The following BMAL1 variants were observed in gnomAD, a reference collection of about 807,000 sequenced individuals.
BMAL1 encodes the protein basic helix-loop-helix ARNT like 1, also known as basic helix-loop-helix ARNT-like protein 1.
chr11:13,320,126 T>G, the BMAL1 span, among the ~76,000 whole-genome samples: 1 of 152,246 alleles, frequency 6.6e-6, no homozygotes. Context: ...GCCAGGGGCC[T>G]TAACTGATCA....
the BMAL1 span, among the ~76,000 whole-genome samples, chr11:13,325,489 C>G: frequency 6.6e-6 from 1 of 151,084 alleles, no homozygotes; most frequent in Non-Finnish European, 1.5e-5. Context: ...AGACTGTGCT[C>G]AAGTTCCAGG....
At chr11:13,371,478 C>G in the BMAL1 span, among the ~76,000 whole-genome samples, 3 of 152,210 alleles carry the variant, frequency 2.0e-5, no homozygotes, top group Non-Finnish European at 2.9e-5. Flanking sequence ...TCCTCCTAAT[C>G]TCTTGCTGTA....
the BMAL1 span, among the ~76,000 whole-genome samples, chr11:13,343,165 A>G: frequency 0.28 from 42,564 of 152,072 alleles, 6,692 homozygotes; most frequent in East Asian, 0.49. Flanking sequence ...TGTGGGACCT[A>G]AGATTTGAAC....
chr11:13,386,474 G>C, the BMAL1 span: 2 of 1,057,788 alleles, frequency 1.9e-6, no homozygotes, highest in Non-Finnish European at 2.6e-6. Context: ...AGCCCAAAAA[G>C]CAGCATCTCA....
chr11:13,354,215 A>ACCCCC, the BMAL1 span: 2 of 1,104,424 alleles, frequency 1.8e-6, no homozygotes, highest in Non-Finnish European at 2.4e-6. Context: ...CCACCACCAA[A>ACCCCC]CCCCCAAGCA....
At chr11:13,276,863 G>A in the BMAL1 span, 1 of 152,200 alleles carries the variant, frequency 6.6e-6, no homozygotes, top group African/African-American at 2.4e-5. Flanking sequence ...TTTATTTTCT[G>A]TAACTGTTTC....
chr11:13,345,809 T>C, the BMAL1 span, among the ~76,000 whole-genome samples: 1 of 152,234 alleles, frequency 6.6e-6, no homozygotes, highest in Non-Finnish European at 1.5e-5. Flanking sequence ...ATGCATTGTT[T>C]CCTGTTCCTG....
At chr11:13,368,926 T>G in the BMAL1 span, among the ~76,000 whole-genome samples, 16 of 152,262 alleles carry the variant, frequency 1.1e-4, no homozygotes, top group Admixed American at 3.3e-4. Flanking sequence ...ACTAATAAGT[T>G]CGTTCACATT....
the BMAL1 span, among the ~76,000 whole-genome samples, chr11:13,291,656 C>A: frequency 6.6e-6 from 1 of 152,298 alleles, no homozygotes; most frequent in East Asian, 1.9e-4. Flanking sequence ...TCTTTGCTTT[C>A]TCTATTGAAG....
At chr11:13,339,458 T>C in the BMAL1 span, among the ~76,000 whole-genome samples, 98,932 of 147,012 alleles carry the variant, frequency 0.67, 33,866 homozygotes, top group African/African-American at 0.82. Flanking sequence ...CACACACACA[T>C]GGTATCTTCT....
At chr11:13,284,112 ATATATATGTGTGTGTG>A in the BMAL1 span, among the ~76,000 whole-genome samples, 59 of 58,376 alleles carry the variant, frequency 1.0e-3, 12 homozygotes, top group African/African-American at 3.5e-3. Context: ...GTGTGTGTGT[ATATATATGTGTGTGTG>A]TATATATATA....
At chr11:13,373,928 AAG>A in the BMAL1 span, among the ~76,000 whole-genome samples, 70 of 148,142 alleles carry the variant, frequency 4.7e-4, no homozygotes, top group Non-Finnish European at 8.2e-4. Context: ...GCCTGAAAAA[AAG>A]AGAGAAAGAT....
chr11:13,372,180 T>C, the BMAL1 span: 1 of 1,613,936 alleles, frequency 6.2e-7, no homozygotes. Flanking sequence ...AAAAAGCTTC[T>C]GCACAATCCA....
chr11:13,297,697 TG>T, the BMAL1 span, among the ~76,000 whole-genome samples: 3 of 152,334 alleles, frequency 2.0e-5, no homozygotes, highest in Non-Finnish European at 4.4e-5. Context: ...TCCTGCTTCA[TG>T]GCCTATGCTG....
chr11:13,364,368 A>AGT, the BMAL1 span, among the ~76,000 whole-genome samples: 1 of 152,188 alleles, frequency 6.6e-6, no homozygotes, highest in Admixed American at 6.5e-5. Context: ...TCCCAGCACA[A>AGT]GTACATGCAC....
At chr11:13,386,445 T>C in the BMAL1 span, 4 of 786,436 alleles carry the variant, frequency 5.1e-6, no homozygotes, top group Non-Finnish European at 7.4e-6. Context: ...AACAGCGATA[T>C]AAAAAAAGAT....
At chr11:13,289,063 C>T in the BMAL1 span, among the ~76,000 whole-genome samples, 9 of 152,244 alleles carry the variant, frequency 5.9e-5, no homozygotes, top group African/African-American at 7.2e-5. Flanking sequence ...AAGCAAATCA[C>T]TTAATGTCTC....
At chr11:13,351,992 A>G in the BMAL1 span, among the ~76,000 whole-genome samples, 5 of 152,202 alleles carry the variant, frequency 3.3e-5, no homozygotes, top group African/African-American at 1.2e-4. Flanking sequence ...TTTTCACCCA[A>G]GTGGAAATGA....
chr11:13,344,535 C>T, the BMAL1 span, among the ~76,000 whole-genome samples: 4 of 152,232 alleles, frequency 2.6e-5, no homozygotes, highest in East Asian at 1.9e-4. Context: ...TCTTCGTCCC[C>T]ATTGTGGCTT....
Sources: gnomAD v4.1 joint callset for allele counts (sites outside exome capture counted in the v4.1 genomes callset) on GRCh38, gnomAD v4.1.1 for gene constraint, MANE v1.5 for transcripts, NCBI Gene and HGNC (gene_info 2026-07-23, HGNC 2026-07-21) for gene names.